ALG12: variants seen among roughly 807,000 people sequenced by gnomAD.
The protein encoded by ALG12 is dol-P-Man:Man(7)GlcNAc(2)-PP-Dol alpha-1,6-mannosyltransferase.
ALG12 carries 36 observed loss-of-function variants against 46.0 expected under a neutral mutation model. The observed-to-expected ratio is 0.78, with a 90% CI of 0.60 to 1.03. The LOEUF is 1.03. Among genes scored for constraint, ALG12 ranks in the 50% least tolerant of loss-of-function variants. The pLI is 0.00. For synonymous variants in ALG12, 326 were observed against 291.6 expected, an observed-to-expected ratio of 1.12 and a Z score of -1.20; for missense variants, 599 against 633.5, an observed-to-expected ratio of 0.95 and a Z score of 0.58.
At chr22:49,907,363 G>A (rs1229754534) in intron 7 of ALG12, among the ~76,000 whole-genome samples, 1 of 152,216 alleles carries the variant, frequency 6.6e-6, no homozygotes, top group East Asian at 1.9e-4. Context: ...GACCACCTGA[G>A]CAAAGCCCTC....
the ALG12 span, among the ~76,000 whole-genome samples, chr22:49,882,363 G>A: frequency 8.6e-4 from 131 of 152,354 alleles, no homozygotes; most frequent in Non-Finnish European, 1.7e-3. Flanking sequence ...GCTTCACTGA[G>A]CTGTGGTCAC....
the ALG12 span, among the ~76,000 whole-genome samples, chr22:49,891,968 T>C: frequency 6.6e-6 from 1 of 152,176 alleles, no homozygotes; most frequent in East Asian, 1.9e-4. Context: ...ATATAAAATA[T>C]ATTTTTAAAA....
chr22:49,883,798 C>T, the ALG12 span: 2 of 1,613,092 alleles, frequency 1.2e-6, no homozygotes, highest in Non-Finnish European at 1.7e-6. Flanking sequence ...TAAAAGCGAG[C>T]AGGAGGACAT....
At chr22:49,892,061 G>A in the ALG12 span, among the ~76,000 whole-genome samples, 19 of 152,052 alleles carry the variant, frequency 1.2e-4, 1 homozygote, top group South Asian at 1.9e-3. Context: ...GGTGGTGGGC[G>A]TCTGTAGTCC....
rs115670095 is a variant in ALG12 at position 49,909,551 on chromosome 22, G to A, written c.665-204C>T. On this transcript the variant is annotated intron_variant, in intron 5 of 9. Transcript: ENST00000330817. ...ACTGCACTCCATCCTGGGTGACAGA[G>A]CAAGACTATCTCTAAAACAAAAAAA... Among the ~76,000 whole-genome samples, 641 of 152,224 alleles carry A rather than the reference G, an allele frequency of 4.2e-3. 3 individuals carry two copies. Among genetic ancestry groups the A allele is most frequent in the African/African-American group, 0.015 (604 of 41,524 alleles).
chr22:49,868,192 A>C, the ALG12 span, among the ~76,000 whole-genome samples: 1 of 152,244 alleles, frequency 6.6e-6, no homozygotes, highest in African/African-American at 2.4e-5. Context: ...TGTTGATAAC[A>C]TCAGAGGATT....
chr22:49,863,443 A>C, the ALG12 span, among the ~76,000 whole-genome samples: 2 of 152,194 alleles, frequency 1.3e-5, no homozygotes, highest in African/African-American at 4.8e-5. Context: ...CCTGGCCAAC[A>C]TGGTGAAACC....
At chr22:49,887,282 C>G in the ALG12 span, 2 of 1,272,996 alleles carry the variant, frequency 1.6e-6, no homozygotes, top group South Asian at 1.5e-5. Context: ...CGACATCAGA[C>G]CAGGCACTCT....
At chr22:49,915,290 G>C (rs1265196895) in intron 1 of ALG12, among the ~76,000 whole-genome samples, 1 of 152,132 alleles carries the variant, frequency 6.6e-6, no homozygotes, top group South Asian at 2.1e-4. Context: ...CAGGTGCGGT[G>C]GCTCATTCCC....
chr22:49,911,334 G>A (rs776713409), intron 3 of ALG12, among the ~76,000 whole-genome samples: 6 of 152,228 alleles, frequency 3.9e-5, no homozygotes, highest in Non-Finnish European at 5.9e-5. Context: ...TGCCAAGGGG[G>A]CCACGGATGT....
chr22:49,907,617 CCT>C, intron 7 of ALG12, 102 bp downstream of exon 7: 1 of 1,303,460 alleles, frequency 7.7e-7, no homozygotes, highest in South Asian at 1.3e-5. Flanking sequence ...AGAGCAAGAC[CCT>C]GTTTCAAAAA....
intron 7 of ALG12, 117 bp downstream of exon 7, chr22:49,907,604 G>T: frequency 8.4e-7 from 1 of 1,196,400 alleles, no homozygotes; most frequent in Non-Finnish European, 1.2e-6. Context: ...CCAGCTGGGC[G>T]ACAGAGCAAG....
chr22:49,896,498 T>TG (rs1198555706), downstream of ALG12, among the ~76,000 whole-genome samples: 1 of 152,234 alleles, frequency 6.6e-6, no homozygotes, highest in Non-Finnish European at 1.5e-5. Context: ...CCTGGTCCCC[T>TG]GCTCCTCTCT....
Position 49,904,206 on chromosome 22 carries a change from C to T in ALG12, c.1211G>A (p.Arg404Gln), listed in dbSNP as rs553349150. Reference protein sequence around the residue: ...DVAAAQTGVSRFLQVNSAWRY... With the variant: ...DVAAAQTGVSQFLQVNSAWRY... ...CCAGGCGCTGTTGACTTGGAGAAAC[C>T]GAGACACACCTGTCTGGGCGGCTGC... Residue 404 changes from arginine (R) to glutamine (Q), a missense_variant, in exon 9 of 10, where the codon CGG becomes CAG. Arg to Gln is a conservative substitution (Grantham distance 43). Transcript: ENST00000330817. 11 of 1,614,210 alleles carry T rather than the reference C, an allele frequency of 6.8e-6. No homozygotes were observed. The African/African-American group carries it at 1.2e-4, about 18-fold the overall frequency.
the ALG12 span, among the ~76,000 whole-genome samples, chr22:49,895,033 G>A: frequency 6.6e-6 from 1 of 152,224 alleles, no homozygotes; most frequent in African/African-American, 2.4e-5. Context: ...TGCCGCTGGG[G>A]GCAGACAGGC....
rs2147578451 is a variant in ALG12 at position 49,903,307 on chromosome 22, A to G, written c.*531T>C. 2.2e-6 allele frequency: 1 copy of G among 456,560 alleles called. No individual in the cohort carries two copies. The allele number at this position is 456,560 out of a possible 1,614,324, so 28.3% of individuals were successfully genotyped here. On this transcript the variant is annotated 3_prime_UTR_variant, in exon 10 of 10. Coordinates refer to ENST00000330817, the MANE Select transcript of ALG12 (RefSeq NM_024105.4). ...TCTCCTAAGATTTTATCTGTGATGG[A>G]GATGGGATGCCTGTGAATACAAAAG...
rs775856400 is a variant in ALG12 at position 49,903,866 on chromosome 22, A to G, written c.1439T>C (p.Leu480Pro). Reference sequence around the variant, plus strand: ...GGACGGCCGGGGGAGCCTCTCCAGAAGCACCAGCTTTGTCTGCAGGTGGAC... The same window carrying G: ...GGACGGCCGGGGGAGCCTCTCCAGAGGCACCAGCTTTGTCTGCAGGTGGAC... ...FNVHLQTKLV[L>P]LERLPRPS The change falls in exon 10 of 10, where the codon CTT (leucine) becomes CCT (proline). Residue 480 changes from leucine to proline, a missense_variant. Coordinates refer to ENST00000330817, the MANE Select transcript of ALG12 (RefSeq NM_024105.4). The G allele has an allele frequency of 7.4e-6, 12 of 1,614,228 alleles. No homozygotes were observed. Among genetic ancestry groups the G allele is most frequent in the Non-Finnish European group, 1.0e-5 (12 of 1,180,022 alleles).
the ALG12 span, among the ~76,000 whole-genome samples, chr22:49,894,588 CA>C: frequency 6.6e-6 from 1 of 152,142 alleles, no homozygotes; most frequent in Non-Finnish European, 1.5e-5. Flanking sequence ...GCTCAGTGAC[CA>C]AGTGGTGAGG....
At chr22:49,887,867 C>CTA in the ALG12 span, 2 of 167,278 alleles carry the variant, frequency 1.2e-5, no homozygotes, top group Non-Finnish European at 2.9e-5. Context: ...AGCTGTTTAT[C>CTA]ATCAGCTCCT....
Sources: allele counts gnomAD v4.1 joint callset (sites outside exome capture counted in the v4.1 genomes callset), GRCh38; gene constraint gnomAD v4.1.1; transcripts MANE v1.5; gene names NCBI Gene and HGNC (gene_info 2026-07-23, HGNC 2026-07-21).